MGMT: variants seen among roughly 807,000 people sequenced by gnomAD.
MGMT encodes the protein methylated-DNA--protein-cysteine methyltransferase.
MGMT carries 14 observed loss-of-function variants against 15.9 expected under a neutral mutation model. That is an observed-to-expected ratio of 0.88 (90% confidence interval 0.58 to 1.37). The LOEUF is 1.37. MGMT is among the 40% of genes most tolerant of loss of function. The pLI is 0.00. For missense variants in MGMT, 282 were observed against 268.1 expected (o/e 1.05, Z -0.36); for synonymous variants, 130 against 118.2 (o/e 1.10, Z -0.65).
At chr10:129,664,402 G>A (rs1039650075) in intron 2 of MGMT, among the ~76,000 whole-genome samples, 1 of 152,236 alleles carries the variant, frequency 6.6e-6, no homozygotes, top group African/African-American at 2.4e-5. Flanking sequence ...CTGTGAAGAA[G>A]AGGGACACTT....
At chr10:129,506,229 G>T (rs118065705) in intron 1 of MGMT, among the ~76,000 whole-genome samples, 1 of 151,982 alleles carries the variant, frequency 6.6e-6, no homozygotes, top group African/African-American at 2.4e-5. Flanking sequence ...CTGCAATGTC[G>T]GTACTGTCGT....
At chr10:129,714,618 T>C (rs145329408) in intron 3 of MGMT, among the ~76,000 whole-genome samples, 2 of 152,276 alleles carry the variant, frequency 1.3e-5, no homozygotes, top group East Asian at 3.9e-4. Flanking sequence ...ACACATACCC[T>C]GTTTCTGAGA....
chr10:129,580,217 G>C (rs577323806), intron 2 of MGMT, among the ~76,000 whole-genome samples: 1 of 152,066 alleles, frequency 6.6e-6, no homozygotes, highest in Non-Finnish European at 1.5e-5. Context: ...TGCTGTGCCC[G>C]GGGGGGCGGG....
intron 2 of MGMT, among the ~76,000 whole-genome samples, chr10:129,632,310 C>A (rs968684426): frequency 3.3e-5 from 5 of 152,132 alleles, no homozygotes; most frequent in African/African-American, 1.2e-4. Flanking sequence ...TGCATGTGGG[C>A]GCCTTGTACT....
At chr10:129,579,015 A>C (rs978455967) in intron 2 of MGMT, among the ~76,000 whole-genome samples, 1 of 152,226 alleles carries the variant, frequency 6.6e-6, no homozygotes, top group African/African-American at 2.4e-5. Context: ...TACTGTGTAC[A>C]TTAGATACGA....
At chr10:129,607,207 C>G (rs964293304) in intron 2 of MGMT, among the ~76,000 whole-genome samples, 1 of 151,276 alleles carries the variant, frequency 6.6e-6, no homozygotes. Context: ...CAGAACCACG[C>G]GTAAATCCTC....
chr10:129,669,888 T>A (rs1564754687), intron 2 of MGMT, among the ~76,000 whole-genome samples: 1 of 152,142 alleles, frequency 6.6e-6, no homozygotes, highest in African/African-American at 2.4e-5. Flanking sequence ...AATTTATTTT[T>A]AAAAAATATA....
At chr10:129,705,632 G>A (rs1848151760) in intron 2 of MGMT, among the ~76,000 whole-genome samples, 1 of 152,228 alleles carries the variant, frequency 6.6e-6, no homozygotes, top group Non-Finnish European at 1.5e-5. Context: ...TCGCTCCAGA[G>A]ATCATCTGAG....
chr10:129,725,895 C>T (rs933651862), intron 3 of MGMT, among the ~76,000 whole-genome samples: 1 of 152,216 alleles, frequency 6.6e-6, no homozygotes, highest in Non-Finnish European at 1.5e-5. Context: ...CCTGTTCTGC[C>T]TTCTCAACCA....
At chr10:129,726,288 A>G (rs1848432438) in intron 3 of MGMT, among the ~76,000 whole-genome samples, 1 of 152,074 alleles carries the variant, frequency 6.6e-6, no homozygotes, top group African/African-American at 2.4e-5. Context: ...GGAAGGGGTA[A>G]ATTTACTGGG....
At chr10:129,761,813 C>T (rs534428492) in intron 4 of MGMT, among the ~76,000 whole-genome samples, 3 of 152,304 alleles carry the variant, frequency 2.0e-5, no homozygotes, top group South Asian at 2.1e-4. Flanking sequence ...GGTGGCTTCT[C>T]GTGGCCTTTC....
chr10:129,686,397 CAG>C (rs1345615525), intron 2 of MGMT, among the ~76,000 whole-genome samples: 9 of 151,976 alleles, frequency 5.9e-5, no homozygotes, highest in African/African-American at 2.2e-4. Flanking sequence ...TTTTTTGAGA[CAG>C]AGTCTCGCTT....
At chr10:129,581,822 C>G (rs997234570) in intron 2 of MGMT, among the ~76,000 whole-genome samples, 2 of 152,204 alleles carry the variant, frequency 1.3e-5, no homozygotes, top group African/African-American at 4.8e-5. Context: ...GGAGACAAAA[C>G]CATTTCCGGG....
intron 2 of MGMT, among the ~76,000 whole-genome samples, chr10:129,702,382 C>T (rs1848109469): frequency 6.6e-6 from 1 of 152,212 alleles, no homozygotes; most frequent in African/African-American, 2.4e-5. Flanking sequence ...CGTGCCAAGT[C>T]AAAGAAAGTG....
intron 2 of MGMT, among the ~76,000 whole-genome samples, chr10:129,669,225 C>A (rs1847694642): frequency 6.6e-6 from 1 of 152,060 alleles, no homozygotes; most frequent in African/African-American, 2.4e-5. Context: ...GAGACAGAGT[C>A]TCACTATGTT....
intron 3 of MGMT, among the ~76,000 whole-genome samples, chr10:129,740,545 C>T (rs1449075169): frequency 1.3e-5 from 2 of 152,222 alleles, no homozygotes; most frequent in Non-Finnish European, 2.9e-5. Flanking sequence ...CACAGGTGAG[C>T]TCATTTACCC....
At chr10:129,651,280 G>A (rs980725660) in intron 2 of MGMT, among the ~76,000 whole-genome samples, 1 of 152,102 alleles carries the variant, frequency 6.6e-6, no homozygotes, top group Non-Finnish European at 1.5e-5. Flanking sequence ...CAGCACCGGC[G>A]CTTTTAGATT....
In MGMT at chr10:129,611,390, A is replaced by C. The variant is rs998497819; in HGVS notation, c.125+75013A>C. On this transcript the variant is annotated intron_variant, in intron 2 of 4. Transcript: ENST00000651593. ...GGGAGGTGCCACACACTTTCAAACA[A>C]CCAGATCTCTTGAGAACTCACTCAC... Among the ~76,000 whole-genome samples the C allele has an allele frequency of 3.9e-5, 6 of 152,142 alleles. No homozygotes were observed. The East Asian group carries it at 5.8e-4, about 15-fold the overall frequency.
At chr10:129,759,362 C>T (rs200459695) in intron 4 of MGMT, 21 bp downstream of exon 4, 72 of 1,613,796 alleles carry the variant, frequency 4.5e-5, no homozygotes, top group Non-Finnish European at 5.7e-5. Context: ...ATGGCGCAAG[C>T]ATGGCTGTGG....
Sources: allele counts gnomAD v4.1 joint callset (sites outside exome capture counted in the v4.1 genomes callset), GRCh38; gene constraint gnomAD v4.1.1; transcripts MANE v1.5; gene names NCBI Gene and HGNC (gene_info 2026-07-23, HGNC 2026-07-21).